The following NFIB variants were observed in gnomAD, a reference collection of about 807,000 sequenced individuals.
NFIB encodes the protein nuclear factor 1 B-type.
Under a neutral mutation model 61.5 loss-of-function variants are expected in NFIB, and 11 were observed. That is an observed-to-expected ratio of 0.18 (90% CI 0.11 to 0.30). The LOEUF is 0.30. Among genes scored for constraint, NFIB ranks in the 10% least tolerant of loss-of-function variants. The probability of loss-of-function intolerance (pLI) is 1.00; values close to 1 mark genes in which losing one functional copy is unlikely to be tolerated. For synonymous variants in NFIB, 260 were observed against 216.5 expected (o/e 1.20, Z -1.76); for missense variants, 471 against 608.9 (o/e 0.77, Z 2.38).
At chr9:14,148,169 C>T (rs1469943724) in intron 5 of NFIB, among the ~76,000 whole-genome samples, 22 of 152,108 alleles carry the variant, frequency 1.4e-4, no homozygotes, top group Admixed American at 1.4e-3. Context: ...GTTGTCCAGG[C>T]TGGAGTGCAG....
chr9:14,477,188 A>G, the NFIB span, among the ~76,000 whole-genome samples: 1 of 152,340 alleles, frequency 6.6e-6, no homozygotes, highest in Admixed American at 6.5e-5. Context: ...AGCATTCCAT[A>G]AAGGTGTGGC....
At chr9:14,453,079 T>G in the NFIB span, among the ~76,000 whole-genome samples, 1 of 152,222 alleles carries the variant, frequency 6.6e-6, no homozygotes, top group Non-Finnish European at 1.5e-5. Flanking sequence ...TCTTTAGAAC[T>G]CCCAGTGAGG....
At chr9:14,339,835 T>C (rs982935910) in intron 1 of NFIB, among the ~76,000 whole-genome samples, 6 of 152,148 alleles carry the variant, frequency 3.9e-5, no homozygotes, top group Admixed American at 2.0e-4. Flanking sequence ...ACCCTGATAC[T>C]TGGGGTTTTG....
intron 10 of NFIB, among the ~76,000 whole-genome samples, chr9:14,103,042 T>C (rs1483913424): frequency 6.6e-6 from 1 of 152,204 alleles, no homozygotes; most frequent in African/African-American, 2.4e-5. Context: ...TTTTACTAAT[T>C]TTGTTTTGCT....
At chr9:14,459,212 G>A in the NFIB span, among the ~76,000 whole-genome samples, 3 of 152,106 alleles carry the variant, frequency 2.0e-5, no homozygotes, top group South Asian at 2.1e-4. Flanking sequence ...AAATAATGCT[G>A]CATATCTACA....
chr9:14,520,213 G>T, the NFIB span, among the ~76,000 whole-genome samples: 4 of 152,216 alleles, frequency 2.6e-5, no homozygotes, highest in African/African-American at 9.6e-5. Context: ...TTTATCAAAA[G>T]GCCATTTCTT....
intron 1 of NFIB, among the ~76,000 whole-genome samples, chr9:14,377,225 T>C (rs2061430320): frequency 6.6e-6 from 1 of 152,204 alleles, no homozygotes; most frequent in African/African-American, 2.4e-5. Context: ...GTGTGTATTA[T>C]TATGTGCCAT....
chr9:14,129,715 C>T lies in NFIB; in HGVS notation c.926-3949G>A, dbSNP rs79421550. Among the ~76,000 whole-genome samples, 1,414 of 152,166 alleles carry T rather than the reference C, an allele frequency of 9.3e-3. 27 individuals are homozygous for T. Among genetic ancestry groups the T allele is most frequent in the African/African-American group, 0.032 (1,348 of 41,516 alleles). On this transcript the variant is annotated intron_variant, in intron 6 of 10. Coordinates refer to ENST00000380953, the MANE Select transcript of NFIB (RefSeq NM_001190737.2). ...AAACAAATACCACGCTTTACACAAT[C>T]TACTGTCCCTCAAGCAGGAAGAATA...
chr9:14,195,276 C>A (rs969677844), intron 2 of NFIB, among the ~76,000 whole-genome samples: 1 of 152,190 alleles, frequency 6.6e-6, no homozygotes, highest in African/African-American at 2.4e-5. Context: ...ATCTGCAAAG[C>A]TCTGTCACTA....
chr9:14,418,177 T>C, the NFIB span, among the ~76,000 whole-genome samples: 1 of 152,176 alleles, frequency 6.6e-6, no homozygotes, highest in Non-Finnish European at 1.5e-5. Context: ...TATCAGAACT[T>C]CAATTTCTTT....
the NFIB span, among the ~76,000 whole-genome samples, chr9:14,516,720 C>G: frequency 6.6e-6 from 1 of 152,158 alleles, no homozygotes; most frequent in Non-Finnish European, 1.5e-5. Flanking sequence ...ATAGTCGTAT[C>G]AAGCCAAACA....
chr9:14,172,181 G>T (rs1374484329), intron 3 of NFIB, among the ~76,000 whole-genome samples: 1 of 152,142 alleles, frequency 6.6e-6, no homozygotes, highest in African/African-American at 2.4e-5. Flanking sequence ...GGAATTTCAG[G>T]GGAAATCAAG....
At chr9:14,159,026 A>G (rs967479822) in intron 3 of NFIB, among the ~76,000 whole-genome samples, 36 of 152,362 alleles carry the variant, frequency 2.4e-4, no homozygotes, top group Admixed American at 2.4e-3. Flanking sequence ...TTATTACTCC[A>G]ATGAGAAGTC....
chr9:14,294,748 A>G (rs1311478340), intron 2 of NFIB, among the ~76,000 whole-genome samples: 1 of 152,216 alleles, frequency 6.6e-6, no homozygotes, highest in East Asian at 1.9e-4. Context: ...TAGAACCCCT[A>G]GGTACGTGAT....
At chr9:14,303,889 A>C (rs1025784360) in intron 2 of NFIB, among the ~76,000 whole-genome samples, 1 of 152,210 alleles carries the variant, frequency 6.6e-6, no homozygotes, top group Non-Finnish European at 1.5e-5. Flanking sequence ...GTTACTCCCA[A>C]ATGATGTGTA....
chr9:14,311,398 T>C (rs1045227799), intron 1 of NFIB, among the ~76,000 whole-genome samples: 1 of 152,168 alleles, frequency 6.6e-6, no homozygotes, highest in Non-Finnish European at 1.5e-5. Flanking sequence ...GCCTCACTTT[T>C]ATAACACCTA....
At chr9:14,231,067 G>GAAAT (rs2053075409) in intron 2 of NFIB, among the ~76,000 whole-genome samples, 1 of 128,722 alleles carries the variant, frequency 7.8e-6, no homozygotes, top group Non-Finnish European at 1.6e-5. Context: ...AAACCACTAA[G>GAAAT]AAATAAATAC....
the NFIB span, among the ~76,000 whole-genome samples, chr9:14,418,317 A>G: frequency 6.6e-6 from 1 of 152,214 alleles, no homozygotes; most frequent in Non-Finnish European, 1.5e-5. Flanking sequence ...AATACAGCTC[A>G]GCAACCAAAC....
chr9:14,464,693 G>C, the NFIB span, among the ~76,000 whole-genome samples: 36 of 152,140 alleles, frequency 2.4e-4, no homozygotes, highest in African/African-American at 8.7e-4. Context: ...GACCCCCCAG[G>C]GCCCCTTGGA....
Sources: gnomAD v4.1 joint callset for allele counts (sites outside exome capture counted in the v4.1 genomes callset) on GRCh38, gnomAD v4.1.1 for gene constraint, MANE v1.5 for transcripts, NCBI Gene and HGNC (gene_info 2026-07-23, HGNC 2026-07-21) for gene names.